TSPAN12: variants seen among roughly 807,000 people sequenced by gnomAD.
The protein encoded by TSPAN12 is tetraspanin-12.
A neutral mutation model predicts 39.2 loss-of-function variants in TSPAN12; 19 were observed. The observed-to-expected ratio is 0.49, with a 90% CI of 0.34 to 0.71. TSPAN12 has a LOEUF of 0.71. TSPAN12 is among the 30% of genes least tolerant of loss of function. The pLI is 0.01. For synonymous variants in TSPAN12, 119 were observed against 124.8 expected (o/e 0.95, Z 0.31); for missense variants, 314 against 359.9 (o/e 0.87, Z 1.03).
chr7:120,790,261 A>G (rs1793496459), intron 7 of TSPAN12, among the ~76,000 whole-genome samples: 1 of 152,172 alleles, frequency 6.6e-6, no homozygotes, highest in South Asian at 2.1e-4. Flanking sequence ...CTTCAACGGT[A>G]TAGTATAATG....
intron 4 of TSPAN12, among the ~76,000 whole-genome samples, chr7:120,832,514 G>A (rs531720507): frequency 1.3e-5 from 2 of 151,836 alleles, no homozygotes; most frequent in Admixed American, 6.6e-5. Flanking sequence ...CGTCTCCACC[G>A]GCAAACCCTT....
chr7:120,833,287 C>T (rs917700230), intron 4 of TSPAN12, among the ~76,000 whole-genome samples: 1 of 151,880 alleles, frequency 6.6e-6, no homozygotes, highest in Non-Finnish European at 1.5e-5. Context: ...TTATGACTAG[C>T]TATATAATCA....
intron 2 of TSPAN12, among the ~76,000 whole-genome samples, chr7:120,841,545 T>C (rs1259098620): frequency 2.0e-5 from 3 of 152,190 alleles, no homozygotes; most frequent in Admixed American, 2.0e-4. Context: ...CATAGAAACA[T>C]TTATGATACA....
intron 6 of TSPAN12, 107 bp from the exon 7 acceptor site, chr7:120,806,799 T>G: frequency 3.0e-6 from 4 of 1,315,740 alleles, no homozygotes. Context: ...GAGCTATATC[T>G]GTCATCACCT....
At chr7:120,821,350 G>A (rs1229862314) in intron 4 of TSPAN12, among the ~76,000 whole-genome samples, 1 of 150,994 alleles carries the variant, frequency 6.6e-6, no homozygotes, top group South Asian at 2.1e-4. Flanking sequence ...AATAACTTTC[G>A]GTTCAAAGAT....
chr7:120,800,644 T>C (rs1452788034), intron 7 of TSPAN12, among the ~76,000 whole-genome samples: 1 of 152,022 alleles, frequency 6.6e-6, no homozygotes, highest in African/African-American at 2.4e-5. Context: ...CCGTGTTGTA[T>C]TCTGAATTGA....
At chr7:120,830,750 T>C (rs1362947228) in intron 4 of TSPAN12, among the ~76,000 whole-genome samples, 4 of 152,036 alleles carry the variant, frequency 2.6e-5, no homozygotes, top group African/African-American at 9.7e-5. Context: ...GATTTTTTAA[T>C]ATGACCCCAA....
At position 120,806,610 on chromosome 7, in the gene TSPAN12, C is replaced by G; in HGVS notation, c.551G>C (p.Arg184Thr). 3.1e-6 allele frequency: 5 copies of G among 1,613,608 alleles called. No homozygotes were observed. Among genetic ancestry groups the G allele is most frequent in the Non-Finnish European group, 4.2e-6 (5 of 1,179,664 alleles). The change falls in exon 7 of 8, where the codon AGA becomes ACA. Residue 184 changes from arginine (R) to threonine (T), a missense_variant. Physicochemically the swap from Arg to Thr is moderately conservative, Grantham distance 71 (BLOSUM62 -1). Transcript: ENST00000222747. The part of the protein sequence containing the change: ...MDWPPDSCCV[R>T]EFPGCSKQAH... ...CTGTTTGGAACATCCTGGGAATTCT[C>G]TAACACAGCAGGAATCTGGGGGCCA...
At position 120,788,270 on chromosome 7, in the gene TSPAN12, T is replaced by G. The variant is rs956997551; in HGVS notation, c.*322A>C. The G allele has an allele frequency of 4.1e-5, 15 of 367,510 alleles. No homozygotes were observed. The highest frequency in any genetic ancestry group is 2.7e-4 in the African/African-American group (13 of 47,890). 22.8% of individuals were successfully genotyped at this position (367,510 alleles called of 1,614,324 possible). A position where few individuals can be genotyped will look rare whatever the true frequency, so the allele number is the denominator to read the frequency against. ...ACTATGGCTCCAGTCCCACCATATG[T>G]GACTCGTTTGCATGGATGCGGAAAT... On this transcript the variant is annotated 3_prime_UTR_variant, in exon 8 of 8. Coordinates refer to ENST00000222747, the MANE Select transcript of TSPAN12 (RefSeq NM_012338.4).
chr7:120,822,563 C>G (rs142833535), intron 4 of TSPAN12, among the ~76,000 whole-genome samples: 46 of 152,236 alleles, frequency 3.0e-4, no homozygotes, highest in African/African-American at 1.0e-3. Flanking sequence ...CCTCAGCAGT[C>G]CCCCAAAAGC....
chr7:120,815,629 C>A, intron 5 of TSPAN12, 100 bp downstream of exon 5: 1 of 1,072,838 alleles, frequency 9.3e-7, no homozygotes, highest in East Asian at 2.6e-5. Flanking sequence ...CAGTCTTGGG[C>A]AGTTCTTTCA....
chr7:120,791,328 CAA>C (rs535746545), intron 7 of TSPAN12, among the ~76,000 whole-genome samples: 2 of 127,500 alleles, frequency 1.6e-5, no homozygotes, highest in Non-Finnish European at 1.7e-5. Context: ...GACCTTGTCT[CAA>C]AAAAAAAAAA....
intron 5 of TSPAN12, 97 bp downstream of exon 5, chr7:120,815,632 T>C: frequency 8.8e-7 from 1 of 1,130,534 alleles, no homozygotes; most frequent in Non-Finnish European, 1.3e-6. Flanking sequence ...TCTTGGGCAG[T>C]TCTTTCATAG....
At chr7:120,798,922 A>G (rs1261224913) in intron 7 of TSPAN12, among the ~76,000 whole-genome samples, 1 of 152,114 alleles carries the variant, frequency 6.6e-6, no homozygotes, top group Non-Finnish European at 1.5e-5. Flanking sequence ...ATGTGTTCCC[A>G]TTGGTTATCT....
chr7:120,826,524 A>G (rs969367480), intron 4 of TSPAN12, among the ~76,000 whole-genome samples: 3 of 152,174 alleles, frequency 2.0e-5, no homozygotes, highest in African/African-American at 4.8e-5. Context: ...AATGTGAGAC[A>G]GGGGTCCCCA....
chr7:120,855,491 C>A (rs2116516415), intron 2 of TSPAN12, among the ~76,000 whole-genome samples: 1 of 152,246 alleles, frequency 6.6e-6, no homozygotes, highest in Non-Finnish European at 1.5e-5. Context: ...TTTTAATGAT[C>A]CAGGTAATTT....
In TSPAN12 at chr7:120,840,104, C is replaced by T. The variant is rs767700187; in HGVS notation, c.72G>A (p.Met24Ile). ...LYALNLLFWL[M>I]SISVLAVSAW... ...CAGAAACTGCCAACACACTGATGGACATTAACTGGGGAGAAAAAAGTACAA... is the reference window on the plus strand; with the variant it reads ...CAGAAACTGCCAACACACTGATGGATATTAACTGGGGAGAAAAAAGTACAA... The change falls in exon 3 of 8, where the codon ATG becomes ATA. Residue 24 changes from methionine (M) to isoleucine (I), a missense_variant. Coordinates refer to ENST00000222747, the MANE Select transcript of TSPAN12 (RefSeq NM_012338.4). 6.2e-7 allele frequency: 1 copy of T among 1,613,082 alleles called. No homozygotes were observed. The highest frequency in any genetic ancestry group is 1.3e-5 in the African/African-American group (1 of 74,890).
intron 4 of TSPAN12, among the ~76,000 whole-genome samples, chr7:120,818,399 G>C (rs1020590521): frequency 6.6e-6 from 1 of 151,972 alleles, no homozygotes; most frequent in Non-Finnish European, 1.5e-5. Context: ...TCTAATAAAA[G>C]ATTGCACAAG....
chr7:120,830,707 T>C (rs1323193007), intron 4 of TSPAN12, among the ~76,000 whole-genome samples: 1 of 151,984 alleles, frequency 6.6e-6, no homozygotes, highest in Non-Finnish European at 1.5e-5. Context: ...AGACAATGCA[T>C]GAGAAGAACT....
Sources: allele counts gnomAD v4.1 joint callset (sites outside exome capture counted in the v4.1 genomes callset), GRCh38; gene constraint gnomAD v4.1.1; transcripts MANE v1.5; gene names NCBI Gene and HGNC (gene_info 2026-07-23, HGNC 2026-07-21).